DLG2: variants seen among roughly 807,000 people sequenced by gnomAD.
DLG2 encodes the protein discs large MAGUK scaffold protein 2.
DLG2 carries 45 observed loss-of-function variants against 132.5 expected under a neutral mutation model. The observed-to-expected ratio is 0.34, with a 90% CI of 0.27 to 0.44. The LOEUF is 0.44. Ranked by LOEUF, DLG2 falls within the 20% of genes least tolerant of loss-of-function variation. The probability of loss-of-function intolerance (pLI) is 1.00; values close to 1 mark genes in which losing one functional copy is unlikely to be tolerated. For missense variants in DLG2, 1,045 were observed against 1,196.9 expected, an observed-to-expected ratio of 0.87 and a Z score of 1.87; for synonymous variants, 424 against 419.6, an observed-to-expected ratio of 1.01 and a Z score of -0.13.
intron 6 of DLG2, among the ~76,000 whole-genome samples, chr11:84,991,687 G>A (rs1398529189): frequency 6.6e-6 from 1 of 152,108 alleles, no homozygotes; most frequent in Non-Finnish European, 1.5e-5. Flanking sequence ...ATCACTGTCA[G>A]TATCCTGGTG....
intron 7 of DLG2, among the ~76,000 whole-genome samples, chr11:84,493,877 T>G (rs1292263002): frequency 1.3e-5 from 2 of 152,310 alleles, no homozygotes; most frequent in Middle Eastern, 3.4e-3. Context: ...GAACATGCCA[T>G]CTGAAAGGTT....
At chr11:83,504,788 C>G (rs1220511097) in intron 21 of DLG2, among the ~76,000 whole-genome samples, 1 of 152,162 alleles carries the variant, frequency 6.6e-6, no homozygotes, top group South Asian at 2.1e-4. Flanking sequence ...ATGGGAGAAA[C>G]AGTACCATAT....
intron 10 of DLG2, among the ~76,000 whole-genome samples, chr11:84,074,529 A>ATTTTT (rs59822508): frequency 2.1e-4 from 29 of 139,360 alleles, no homozygotes; most frequent in African/African-American, 7.9e-4. Context: ...AGAGTTTCTA[A>ATTTTT]TTTTTTTTTT....
At chr11:84,703,173 G>A (rs2059384205) in intron 6 of DLG2, among the ~76,000 whole-genome samples, 1 of 151,630 alleles carries the variant, frequency 6.6e-6, no homozygotes, top group South Asian at 2.1e-4. Flanking sequence ...TATGCAAGAT[G>A]AATGAAGTGT....
intron 7 of DLG2, among the ~76,000 whole-genome samples, chr11:84,522,196 A>G (rs1005745769): frequency 6.6e-6 from 1 of 151,762 alleles, no homozygotes; most frequent in Non-Finnish European, 1.5e-5. Context: ...AAAAAAAAAG[A>G]AAAGAAAAGA....
chr11:83,741,872 A>T (rs12802930), intron 18 of DLG2, among the ~76,000 whole-genome samples: 2 of 151,422 alleles, frequency 1.3e-5, no homozygotes, highest in African/African-American at 4.9e-5. Flanking sequence ...AAAATTAGCA[A>T]GGCGTGGTGG....
intron 3 of DLG2, among the ~76,000 whole-genome samples, chr11:85,386,638 A>T (rs768708865): frequency 2.0e-5 from 3 of 152,156 alleles, no homozygotes; most frequent in Non-Finnish European, 4.4e-5. Context: ...GTCTCAAATT[A>T]GCCCCTGTAT....
At chr11:83,507,697 C>T (rs1166961996) in intron 21 of DLG2, among the ~76,000 whole-genome samples, 1 of 143,612 alleles carries the variant, frequency 7.0e-6, no homozygotes, top group Non-Finnish European at 1.5e-5. Flanking sequence ...TGGCACTAAT[C>T]TCCATAATCC....
intron 18 of DLG2, among the ~76,000 whole-genome samples, chr11:83,691,024 G>A (rs1431239246): frequency 6.6e-6 from 1 of 152,112 alleles, no homozygotes; most frequent in Non-Finnish European, 1.5e-5. Flanking sequence ...GACAAAACAA[G>A]TTTGCTGGCC....
At chr11:83,898,966 T>C (rs1055564175) in intron 15 of DLG2, among the ~76,000 whole-genome samples, 1 of 152,170 alleles carries the variant, frequency 6.6e-6, no homozygotes, top group African/African-American at 2.4e-5. Context: ...ATATGAGAGA[T>C]TATTTCTGTT....
intron 10 of DLG2, among the ~76,000 whole-genome samples, chr11:84,091,209 C>G (rs959431754): frequency 6.6e-6 from 1 of 152,208 alleles, no homozygotes; most frequent in Non-Finnish European, 1.5e-5. Flanking sequence ...GAAGTTCTAT[C>G]AGAAAATGGT....
intron 6 of DLG2, among the ~76,000 whole-genome samples, chr11:84,820,230 A>T (rs535871209): frequency 1.1e-3 from 166 of 151,906 alleles, no homozygotes; most frequent in African/African-American, 3.9e-3. Context: ...GCTCAAGCTG[A>T]TTTTAATATA....
chr11:85,007,172 T>C (rs1057186515), intron 6 of DLG2, among the ~76,000 whole-genome samples: 1 of 147,160 alleles, frequency 6.8e-6, no homozygotes, highest in Non-Finnish European at 1.5e-5. Context: ...GTGCTATTTA[T>C]ACTTGAGTGA....
At chr11:85,404,072 T>G (rs2088476798) in intron 3 of DLG2, among the ~76,000 whole-genome samples, 1 of 151,976 alleles carries the variant, frequency 6.6e-6, no homozygotes, top group African/African-American at 2.4e-5. Flanking sequence ...CTTAACAAGC[T>G]TGAATCATTT....
chr11:83,774,303 G>T (rs1285332342), intron 18 of DLG2, among the ~76,000 whole-genome samples: 1 of 152,124 alleles, frequency 6.6e-6, no homozygotes, highest in Admixed American at 6.5e-5. Context: ...CACATTATAG[G>T]GTTTCTGTTG....
chr11:83,855,753 T>C (rs1336171646), intron 16 of DLG2, among the ~76,000 whole-genome samples: 1 of 151,994 alleles, frequency 6.6e-6, no homozygotes, highest in Non-Finnish European at 1.5e-5. Context: ...GGCAGGAGAA[T>C]CGCTTGAACC....
chr11:85,420,101 T>C (rs1039215700), intron 3 of DLG2, among the ~76,000 whole-genome samples: 3 of 152,194 alleles, frequency 2.0e-5, no homozygotes, highest in Non-Finnish European at 4.4e-5. Context: ...TTGGTGACCT[T>C]TGGATGGGGT....
chr11:85,107,443 C>T (rs1382192673), intron 6 of DLG2, among the ~76,000 whole-genome samples: 1 of 152,006 alleles, frequency 6.6e-6, no homozygotes, highest in Non-Finnish European at 1.5e-5. Context: ...TGGGCCATAG[C>T]CATACTGAGT....
chr11:85,470,627 C>T (rs1347656485), intron 3 of DLG2, among the ~76,000 whole-genome samples: 2 of 152,126 alleles, frequency 1.3e-5, no homozygotes, highest in African/African-American at 4.8e-5. Flanking sequence ...GAGGCTGAGG[C>T]TGAGGCATGA....
Sources: gnomAD v4.1 joint callset for allele counts (sites outside exome capture counted in the v4.1 genomes callset) on GRCh38, gnomAD v4.1.1 for gene constraint, MANE v1.5 for transcripts, NCBI Gene and HGNC (gene_info 2026-07-23, HGNC 2026-07-21) for gene names.